The following SSBP2 variants were observed in gnomAD, a reference collection of about 807,000 sequenced individuals.
SSBP2 encodes the protein single-stranded DNA-binding protein 2.
Under a neutral mutation model 61.8 loss-of-function variants are expected in SSBP2, and 17 were observed. The ratio of observed to expected loss-of-function variants is 0.28; its 90% confidence interval spans 0.19 to 0.41. The LOEUF (loss-of-function observed/expected upper bound fraction) is 0.41. Among genes scored for constraint, SSBP2 ranks in the 10% least tolerant of loss-of-function variants. SSBP2 has a pLI of 1.00. For synonymous variants in SSBP2, 139 were observed against 141.3 expected, an observed-to-expected ratio of 0.98 and a Z score of 0.12; for missense variants, 310 against 458.7, an observed-to-expected ratio of 0.68 and a Z score of 2.96.
chr5:81,609,952 T>C (rs1745283839), intron 4 of SSBP2, among the ~76,000 whole-genome samples: 1 of 152,210 alleles, frequency 6.6e-6, no homozygotes, highest in Non-Finnish European at 1.5e-5. Flanking sequence ...CACCCTTGCA[T>C]ACTCTCTCCA....
chr5:81,484,452 C>T (rs1008428996), intron 6 of SSBP2, among the ~76,000 whole-genome samples: 1 of 151,740 alleles, frequency 6.6e-6, no homozygotes, highest in African/African-American at 2.4e-5. Context: ...AAAGGTAGAA[C>T]AAAATTAGAA....
chr5:81,537,489 A>G (rs1770899807), intron 4 of SSBP2, among the ~76,000 whole-genome samples: 1 of 152,072 alleles, frequency 6.6e-6, no homozygotes, highest in South Asian at 2.1e-4. Flanking sequence ...ATAGAGACAT[A>G]CCTCACTTTA....
At chr5:81,739,417 T>C (rs1278230707) in intron 1 of SSBP2, among the ~76,000 whole-genome samples, 2 of 152,164 alleles carry the variant, frequency 1.3e-5, no homozygotes, top group African/African-American at 2.4e-5. Flanking sequence ...AAACATCCTC[T>C]TAGAAATATT....
intron 1 of SSBP2, among the ~76,000 whole-genome samples, chr5:81,705,583 C>T (rs1754316949): frequency 6.6e-6 from 1 of 152,136 alleles, no homozygotes; most frequent in African/African-American, 2.4e-5. Context: ...AATTAGATGT[C>T]AACTAATTAA....
intron 4 of SSBP2, among the ~76,000 whole-genome samples, chr5:81,536,434 C>A (rs1290822965): frequency 6.6e-6 from 1 of 151,892 alleles, no homozygotes. Flanking sequence ...AAGCCTAGTA[C>A]CTCTTAGTTA....
chr5:81,687,088 C>T (rs1752868753), intron 1 of SSBP2, among the ~76,000 whole-genome samples: 1 of 152,136 alleles, frequency 6.6e-6, no homozygotes, highest in African/African-American at 2.4e-5. Context: ...TCACTGAAAG[C>T]AGCACTGAAG....
chr5:81,465,823 C>T (rs1399962415), intron 9 of SSBP2, among the ~76,000 whole-genome samples: 1 of 151,884 alleles, frequency 6.6e-6, no homozygotes, highest in Non-Finnish European at 1.5e-5. Context: ...TAAGAAGAGT[C>T]GGATTTCATG....
chr5:81,698,103 T>A lies in SSBP2; in HGVS notation c.63-47764A>T, dbSNP rs141420685. Reference sequence around the variant, plus strand: ...CCATTTAAAATAATCAGACTATGACTAACATAGAATATAAATGAACTACAA... The same window carrying A: ...CCATTTAAAATAATCAGACTATGACAAACATAGAATATAAATGAACTACAA... On this transcript the variant is annotated intron_variant, in intron 1 of 16. Transcript: ENST00000320672. Among the ~76,000 whole-genome samples the A allele has an allele frequency of 7.2e-4, 109 of 152,246 alleles. 1 individual carries two copies. In the East Asian group the frequency reaches 0.016, roughly 23 times the overall value.
rs2154029283 is a variant in SSBP2 at position 81,747,434 on chromosome 5, T to G, written c.62+3547A>C. Among the ~76,000 whole-genome samples, 4 of 152,238 alleles carry G rather than the reference T, an allele frequency of 2.6e-5. No individual in the cohort carries two copies. The Middle Eastern group carries it at 0.014, about 518-fold the overall frequency. Reference sequence around the variant, plus strand: ...AAAAAAAGCAACTGTCTTGTAGATTTGTTGGGAGAATTAAGAAAAAAATAT... The same window carrying G: ...AAAAAAAGCAACTGTCTTGTAGATTGGTTGGGAGAATTAAGAAAAAAATAT... On this transcript the variant is annotated intron_variant, in intron 1 of 16. Transcript: ENST00000320672.
At chr5:81,714,301 C>T (rs1249742655) in intron 1 of SSBP2, among the ~76,000 whole-genome samples, 1 of 152,176 alleles carries the variant, frequency 6.6e-6, no homozygotes, top group Non-Finnish European at 1.5e-5. Flanking sequence ...TTTATCCAGT[C>T]TATCATTGAT....
At chr5:81,724,388 C>T (rs949241744) in intron 1 of SSBP2, among the ~76,000 whole-genome samples, 2 of 151,916 alleles carry the variant, frequency 1.3e-5, no homozygotes, top group Non-Finnish European at 2.9e-5. Flanking sequence ...GTTCCTATTA[C>T]GAATGTTGCT....
chr5:81,491,014 T>C (rs1340101951), intron 5 of SSBP2, among the ~76,000 whole-genome samples: 1 of 152,204 alleles, frequency 6.6e-6, no homozygotes, highest in East Asian at 1.9e-4. Context: ...GATAAGTTAG[T>C]TATGTACTGT....
chr5:81,492,754 T>TA (rs1178528621), intron 5 of SSBP2, among the ~76,000 whole-genome samples: 1 of 152,202 alleles, frequency 6.6e-6, no homozygotes, highest in Non-Finnish European at 1.5e-5. Flanking sequence ...TCTGTACCTC[T>TA]ATTAATTAGC....
At chr5:81,469,185 ATC>A (rs1314286179) in intron 8 of SSBP2, among the ~76,000 whole-genome samples, 1 of 151,872 alleles carries the variant, frequency 6.6e-6, no homozygotes, top group African/African-American at 2.4e-5. Flanking sequence ...TTGCCTCTGC[ATC>A]TCTCTGTGTG....
intron 8 of SSBP2, among the ~76,000 whole-genome samples, chr5:81,472,772 T>C (rs770653211): frequency 9.2e-5 from 14 of 152,106 alleles, no homozygotes; most frequent in Non-Finnish European, 1.3e-4. Flanking sequence ...GCTTACTTTT[T>C]GTATTTTTAG....
chr5:81,608,737 C>G (rs753422149), intron 4 of SSBP2, among the ~76,000 whole-genome samples: 34 of 151,898 alleles, frequency 2.2e-4, no homozygotes, highest in Non-Finnish European at 4.6e-4. Context: ...AATTATTACT[C>G]AAGAGTTAAC....
intron 4 of SSBP2, 68 bp from the exon 5 acceptor site, chr5:81,513,785 T>C: frequency 1.0e-6 from 1 of 994,014 alleles, no homozygotes; most frequent in South Asian, 1.4e-5. Flanking sequence ...AGACTAATGA[T>C]AATAGATTGC....
At chr5:81,597,213 C>A (rs1451008776) in intron 4 of SSBP2, among the ~76,000 whole-genome samples, 3 of 152,008 alleles carry the variant, frequency 2.0e-5, no homozygotes, top group African/African-American at 4.8e-5. Flanking sequence ...ATGAACAGAC[C>A]CTTCACAAAA....
At chr5:81,537,084 T>C (rs1165550994) in intron 4 of SSBP2, among the ~76,000 whole-genome samples, 1 of 152,156 alleles carries the variant, frequency 6.6e-6, no homozygotes, top group African/African-American at 2.4e-5. Flanking sequence ...TTGAAACATT[T>C]AAAAATTTCG....
Sources: gnomAD v4.1 joint callset for allele counts (sites outside exome capture counted in the v4.1 genomes callset) on GRCh38, gnomAD v4.1.1 for gene constraint, MANE v1.5 for transcripts, NCBI Gene and HGNC (gene_info 2026-07-23, HGNC 2026-07-21) for gene names.